Variants in RASA3 observed in about 807,000 individuals in gnomAD.
RASA3 encodes the protein RAS p21 protein activator 3, also known as ras GTPase-activating protein 3.
In RASA3, 73 loss-of-function variants were observed where a neutral mutation model predicts 110.0. The observed-to-expected ratio is 0.66, with a 90% confidence interval of 0.55 to 0.81. The LOEUF is 0.81. Among genes scored for constraint, RASA3 ranks in the 30% least tolerant of loss-of-function variants. The pLI is 0.00. For missense variants in RASA3, 976 were observed against 1,113.2 expected, an observed-to-expected ratio of 0.88 and a Z score of 1.75; for synonymous variants, 500 against 451.4, an observed-to-expected ratio of 1.11 and a Z score of -1.37.
chr13:114,130,828 G>A (rs1203555592), intron 1 of RASA3, among the ~76,000 whole-genome samples: 3 of 152,204 alleles, frequency 2.0e-5, no homozygotes, highest in East Asian at 3.9e-4. Flanking sequence ...CCCACCTCCA[G>A]CCCTCCTGCC....
intron 21 of RASA3, 22 bp from the exon 22 acceptor site, chr13:113,992,610 A>G: frequency 6.4e-7 from 1 of 1,565,766 alleles, no homozygotes; most frequent in Non-Finnish European, 8.8e-7. Flanking sequence ...CAGCAAGAAC[A>G]GAAAGATAAA....
At chr13:114,060,384 C>T (rs1282499721) in intron 2 of RASA3, among the ~76,000 whole-genome samples, 3 of 152,226 alleles carry the variant, frequency 2.0e-5, no homozygotes, top group Non-Finnish European at 4.4e-5. Context: ...TGTCTCAGGT[C>T]AGCAGCCAGG....
chr13:114,081,067 A>ACCTAGAACACCAAGAGTGCCCCT (rs2079780898), intron 1 of RASA3, among the ~76,000 whole-genome samples: 1 of 105,458 alleles, frequency 9.5e-6, no homozygotes, highest in Non-Finnish European at 1.9e-5. Context: ...AGAGTGTCCC[A>ACCTAGAACACCAAGAGTGCCCCT]CGGCAGAGGG....
In RASA3 at chr13:114,027,842, C is replaced by A; in HGVS notation, c.530+5G>T. ...AACAGAAACCTGAAGCGTGAGGCAA[C>A]TTGCCTGAAGGGTCCTGCCAGCGTC... On this transcript the variant is annotated splice_donor_5th_base_variant and intron_variant, in intron 6 of 23. Coordinates refer to ENST00000334062, the MANE Select transcript of RASA3 (RefSeq NM_007368.4). 1 of 1,613,654 alleles carries A rather than the reference C, an allele frequency of 6.2e-7. No homozygotes were observed. The highest frequency in any genetic ancestry group is 8.5e-7 in the Non-Finnish European group (1 of 1,179,758).
intron 1 of RASA3, among the ~76,000 whole-genome samples, chr13:114,125,067 A>G (rs953298138): frequency 1.3e-5 from 2 of 152,010 alleles, no homozygotes; most frequent in African/African-American, 4.8e-5. Context: ...TGTGTTTATC[A>G]TTCTTCTAGG....
At chr13:114,053,242 C>T (rs2079183498) in intron 2 of RASA3, among the ~76,000 whole-genome samples, 1 of 152,244 alleles carries the variant, frequency 6.6e-6, no homozygotes, top group Admixed American at 6.5e-5. Context: ...GCCGCCCATG[C>T]GTGAGTCACC....
chr13:114,022,161 G>C (rs573302801), intron 8 of RASA3, among the ~76,000 whole-genome samples: 1 of 152,136 alleles, frequency 6.6e-6, no homozygotes, highest in Non-Finnish European at 1.5e-5. Context: ...ACCACAGCAC[G>C]GTCCACGAAT....
At chr13:114,032,769 C>T (rs1337648622) in intron 4 of RASA3, among the ~76,000 whole-genome samples, 3 of 56,328 alleles carry the variant, frequency 5.3e-5, no homozygotes, top group East Asian at 7.8e-4. Context: ...CCACGCCCCA[C>T]GGCACCCCCA....
chr13:114,054,493 G>A (rs1025149345), intron 2 of RASA3, among the ~76,000 whole-genome samples: 1 of 152,136 alleles, frequency 6.6e-6, no homozygotes, highest in African/African-American at 2.4e-5. Context: ...CCAGGTGGGA[G>A]GGGTCCAGAG....
At chr13:114,108,463 G>A (rs1173291620) in intron 1 of RASA3, among the ~76,000 whole-genome samples, 2 of 60,450 alleles carry the variant, frequency 3.3e-5, no homozygotes, top group African/African-American at 6.8e-5. Context: ...GTCATCCTCC[G>A]TCCATCACCC....
At chr13:114,100,230 C>T (rs1012652496) in intron 1 of RASA3, among the ~76,000 whole-genome samples, 34 of 151,748 alleles carry the variant, frequency 2.2e-4, no homozygotes, top group Admixed American at 4.6e-4. Context: ...GTGCTGAGGG[C>T]GCGCCGATGT....
At chr13:114,105,096 T>C (rs1221110383) in intron 1 of RASA3, among the ~76,000 whole-genome samples, 1 of 151,712 alleles carries the variant, frequency 6.6e-6, no homozygotes, top group Non-Finnish European at 1.5e-5. Context: ...CCAGAATCCC[T>C]GGAGATGGAG....
intron 1 of RASA3, among the ~76,000 whole-genome samples, chr13:114,122,246 GA>G (rs2080388669): frequency 6.6e-6 from 1 of 152,228 alleles, no homozygotes; most frequent in Non-Finnish European, 1.5e-5. Context: ...GGCACCTACA[GA>G]CTGGGGGGGA....
chr13:113,993,642 T>G (rs1228408112), intron 21 of RASA3, among the ~76,000 whole-genome samples: 1 of 151,112 alleles, frequency 6.6e-6, no homozygotes, highest in Non-Finnish European at 1.5e-5. Flanking sequence ...ACCCTGTCTC[T>G]ATTAAAAATA....
At chr13:113,998,936 T>C (rs1049460951) in intron 20 of RASA3, among the ~76,000 whole-genome samples, 4 of 152,204 alleles carry the variant, frequency 2.6e-5, no homozygotes, top group African/African-American at 9.6e-5. Flanking sequence ...CGACGTGCGA[T>C]GGTGGCTGCT....
At chr13:114,005,587 G>T (rs1298193351) in intron 18 of RASA3, among the ~76,000 whole-genome samples, 1 of 152,180 alleles carries the variant, frequency 6.6e-6, no homozygotes, top group African/African-American at 2.4e-5. Context: ...GGAGCCTGGA[G>T]GGAAGGCCAG....
intron 1 of RASA3, among the ~76,000 whole-genome samples, chr13:114,119,820 C>A (rs1299542902): frequency 1.4e-4 from 12 of 87,730 alleles, no homozygotes; most frequent in South Asian, 4.2e-4. Flanking sequence ...TCCAGCCAGG[C>A]GTCGATCAAG....
chr13:113,980,464 C>CCCATGTGTGTGCACCTCCTG (rs2052906706), intron 23 of RASA3, among the ~76,000 whole-genome samples: 1 of 98,588 alleles, frequency 1.0e-5, no homozygotes, highest in Non-Finnish European at 2.0e-5. Flanking sequence ...TGCACCTCCA[C>CCCATGTGTGTGCACCTCCTG]CCATGTGTGT....
At chr13:114,079,225 C>A (rs2079740860) in intron 1 of RASA3, among the ~76,000 whole-genome samples, 1 of 152,212 alleles carries the variant, frequency 6.6e-6, no homozygotes, top group African/African-American at 2.4e-5. Flanking sequence ...CCAGGCTGGG[C>A]GCTCTTCTCT....
Sources: gnomAD v4.1 joint callset for allele counts (sites outside exome capture counted in the v4.1 genomes callset) on GRCh38, gnomAD v4.1.1 for gene constraint, MANE v1.5 for transcripts, NCBI Gene and HGNC (gene_info 2026-07-23, HGNC 2026-07-21) for gene names.